Variants in VPS13B observed in about 807,000 individuals in gnomAD.
VPS13B encodes vacuolar protein sorting 13 homolog B.
VPS13B carries 285 observed loss-of-function variants against 426.4 expected under a neutral mutation model. That is an observed-to-expected ratio of 0.67 (90% CI 0.61 to 0.74). The LOEUF (loss-of-function observed/expected upper bound fraction) is 0.74, where lower values mean the gene tolerates loss of function less well. Ranked by LOEUF, VPS13B falls within the 30% of genes least tolerant of loss-of-function variation. The probability of loss-of-function intolerance (pLI) is 0.00; values close to 1 mark genes in which losing one functional copy is unlikely to be tolerated. For synonymous variants in VPS13B, 1,676 were observed against 1,676.4 expected (o/e 1.00, Z 0.01); for missense variants, 4,537 against 4,782.6 (o/e 0.95, Z 1.51).
intron 56 of VPS13B, among the ~76,000 whole-genome samples, chr8:99,858,487 A>G (rs1232317348): frequency 6.6e-6 from 1 of 152,138 alleles, no homozygotes; most frequent in Non-Finnish European, 1.5e-5. Flanking sequence ...AGAGTTCAAG[A>G]CCAGCCTGGC....
intron 3 of VPS13B, among the ~76,000 whole-genome samples, chr8:99,042,503 G>A (rs1843006177): frequency 6.6e-6 from 1 of 152,066 alleles, no homozygotes. Context: ...TTTATCTCAT[G>A]TACCTACAGG....
chr8:99,178,627 T>C (rs1204804027), intron 16 of VPS13B, among the ~76,000 whole-genome samples: 1 of 152,042 alleles, frequency 6.6e-6, no homozygotes, highest in Non-Finnish European at 1.5e-5. Flanking sequence ...TTTATTTTAT[T>C]TTTCTATATT....
At chr8:99,316,565 G>A (rs567543520) in intron 19 of VPS13B, among the ~76,000 whole-genome samples, 1 of 152,198 alleles carries the variant, frequency 6.6e-6, no homozygotes, top group East Asian at 1.9e-4. Flanking sequence ...AGGGATCTGT[G>A]GGGGAAATGT....
chr8:99,016,847 C>T (rs1841648314), intron 2 of VPS13B, among the ~76,000 whole-genome samples: 1 of 152,036 alleles, frequency 6.6e-6, no homozygotes, highest in South Asian at 2.1e-4. Flanking sequence ...GTCTCGGCCT[C>T]CCAAAGTGAT....
intron 42 of VPS13B, among the ~76,000 whole-genome samples, chr8:99,782,260 T>C (rs1166680420): frequency 6.6e-6 from 1 of 152,138 alleles, no homozygotes; most frequent in Non-Finnish European, 1.5e-5. Context: ...TACCAAAGTT[T>C]TCGTTTGTTT....
At chr8:99,343,721 G>C (rs767557724) in intron 19 of VPS13B, among the ~76,000 whole-genome samples, 1 of 152,168 alleles carries the variant, frequency 6.6e-6, no homozygotes, top group South Asian at 2.1e-4. Context: ...AACAACAAAA[G>C]TAGGTATAAA....
chr8:99,568,185 G>A (rs1403410553), intron 31 of VPS13B, among the ~76,000 whole-genome samples: 2 of 152,042 alleles, frequency 1.3e-5, no homozygotes, highest in Admixed American at 6.5e-5. Context: ...GTAAGTCAGA[G>A]AGAGTTTGAA....
chr8:99,577,446 A>C, intron 32 of VPS13B, 44 bp from the exon 33 acceptor site: 1 of 1,611,190 alleles, frequency 6.2e-7, no homozygotes, highest in East Asian at 2.2e-5. Flanking sequence ...ATCATCTGAA[A>C]GCTATCATGT....
intron 17 of VPS13B, among the ~76,000 whole-genome samples, chr8:99,222,186 T>G (rs994764471): frequency 1.3e-5 from 2 of 152,192 alleles, no homozygotes; most frequent in South Asian, 4.1e-4. Flanking sequence ...AAACACTGAT[T>G]TGCTTAGCTT....
chr8:99,763,536 T>G (rs1811054928), intron 39 of VPS13B, among the ~76,000 whole-genome samples: 1 of 152,152 alleles, frequency 6.6e-6, no homozygotes, highest in African/African-American at 2.4e-5. Flanking sequence ...ATTCCCATTT[T>G]AAAAAAATTA....
intron 33 of VPS13B, among the ~76,000 whole-genome samples, chr8:99,620,986 CAAAAAAAA>C (rs397892235): frequency 2.0e-5 from 1 of 50,858 alleles, no homozygotes; most frequent in Non-Finnish European, 4.0e-5. Context: ...AACTCCATCT[CAAAAAAAA>C]AAAAAAAAAA....
chr8:99,612,947 C>T (rs1289490270), intron 33 of VPS13B, among the ~76,000 whole-genome samples: 1 of 152,148 alleles, frequency 6.6e-6, no homozygotes, highest in Admixed American at 6.5e-5. Context: ...TCTGTGGCAG[C>T]TGTCATCTTA....
At chr8:99,809,290 G>GT in intron 43 of VPS13B, 85 bp from the exon 44 acceptor site, 1 of 1,558,076 alleles carries the variant, frequency 6.4e-7, no homozygotes, top group East Asian at 2.3e-5. Flanking sequence ...AAATGGAAAG[G>GT]TTTTCCAGCA....
At chr8:99,842,545 T>C (rs4072606) in intron 54 of VPS13B, among the ~76,000 whole-genome samples, 1 of 152,100 alleles carries the variant, frequency 6.6e-6, no homozygotes, top group African/African-American at 2.4e-5. Context: ...AGCCCAGAAG[T>C]TGGAGACTGC....
intron 39 of VPS13B, among the ~76,000 whole-genome samples, chr8:99,751,922 G>A (rs1810415968): frequency 6.6e-6 from 1 of 152,302 alleles, no homozygotes; most frequent in South Asian, 2.1e-4. Context: ...ACAGGGAGTT[G>A]TATTATAGTA....
At chr8:99,541,875 A>G (rs1464706018) in intron 30 of VPS13B, among the ~76,000 whole-genome samples, 1 of 152,176 alleles carries the variant, frequency 6.6e-6, no homozygotes, top group Non-Finnish European at 1.5e-5. Flanking sequence ...ATAATATATA[A>G]TATGTTAAAC....
chr8:99,075,943 T>A (rs1047854587), intron 3 of VPS13B, among the ~76,000 whole-genome samples: 1 of 152,120 alleles, frequency 6.6e-6, no homozygotes, highest in Non-Finnish European at 1.5e-5. Context: ...TTCTTGAGAG[T>A]CATCATTAGG....
At chr8:99,710,777 G>A (rs1832679206) in intron 36 of VPS13B, among the ~76,000 whole-genome samples, 1 of 150,082 alleles carries the variant, frequency 6.7e-6, no homozygotes, top group South Asian at 2.1e-4. Flanking sequence ...AGATAATGAG[G>A]TCAAGGGTTG....
intron 36 of VPS13B, among the ~76,000 whole-genome samples, chr8:99,706,944 C>T (rs1225081614): frequency 6.6e-6 from 1 of 152,096 alleles, no homozygotes; most frequent in Non-Finnish European, 1.5e-5. Flanking sequence ...CCATATAAGC[C>T]AGTAGGCTGT....
Sources: allele counts gnomAD v4.1 joint callset (sites outside exome capture counted in the v4.1 genomes callset), GRCh38; gene constraint gnomAD v4.1.1; transcripts MANE v1.5; gene names NCBI Gene and HGNC (gene_info 2026-07-23, HGNC 2026-07-21).